Variants in CELSR3 observed in about 807,000 individuals in gnomAD.
The protein encoded by CELSR3 is EGF-like protein 1.
In CELSR3, 73 loss-of-function variants were observed where a neutral mutation model predicts 270.0. The observed-to-expected ratio is 0.27, with a 90% CI of 0.22 to 0.33. CELSR3 has a LOEUF of 0.33. Ranked by LOEUF, CELSR3 falls within the 10% of genes least tolerant of loss-of-function variation. CELSR3 has a pLI of 1.00. For missense variants in CELSR3, 3,614 were observed against 4,533.8 expected (o/e 0.80, Z 5.83); for synonymous variants, 1,780 against 1,905.4 (o/e 0.93, Z 1.71).
rs1351012340 is a variant in CELSR3, at chr3:48,657,590, C to A, written c.3749-242G>T. 6.6e-6 allele frequency among the ~76,000 whole-genome samples: 1 copy of A among 152,190 alleles called. No individual in the cohort carries two copies. The highest frequency in any genetic ancestry group is 1.5e-5 in the Non-Finnish European group (1 of 68,034). On this transcript the variant is annotated intron_variant, in intron 1 of 34. Transcript: ENST00000164024. This position sits in a 1 kb window ranked among gnomAD's most constrained non-coding sequence, Gnocchi z 5.4. ...ACACGGAGGGGTCTGGGCCAAGGAT[C>A]AAGCAACCCCACACAGTGCCCATGG...
chr3:48,642,567 G>T lies in CELSR3; in HGVS notation c.8556-100C>A. On this transcript the variant is annotated intron_variant, in intron 30 of 34. Coordinates refer to ENST00000164024, the MANE Select transcript of CELSR3 (RefSeq NM_001407.3). This position sits in a 1 kb window ranked among gnomAD's most constrained non-coding sequence, Gnocchi z 6.1. ...TGCACAGCCAGCTGCGGGTGGAATG[G>T]CATCCCTGGGTGTGTGTGGTGGGAA... is the stretch of plus-strand genomic sequence containing the variant. 2.8e-6 allele frequency: 4 copies of T among 1,435,608 alleles called. No individual in the cohort carries two copies. Among genetic ancestry groups the T allele is most frequent in the Non-Finnish European group, 3.8e-6 (4 of 1,056,626 alleles). 88.9% of individuals were successfully genotyped at this position (1,435,608 alleles called of 1,614,324 possible).
In CELSR3 at chr3:48,648,601, G is replaced by A. The variant is rs908033690; in HGVS notation, c.6777+118C>T. 24 of 1,397,324 alleles carry A rather than the reference G, an allele frequency of 1.7e-5. No individual in the cohort carries two copies. In the African/African-American group the frequency reaches 3.3e-4, roughly 19 times the overall value. The allele number at this position is 1,397,324 out of a possible 1,614,324, so 86.6% of individuals were successfully genotyped here. On this transcript the variant is annotated intron_variant, in intron 18 of 34. Coordinates refer to ENST00000164024, the MANE Select transcript of CELSR3 (RefSeq NM_001407.3). ...CGGGGCTGGAGAGGACAAGGACAGA[G>A]GGAGAGCCCAGGACCTTCACTTCCC...
chr3:48,652,874 A>G lies in CELSR3; in HGVS notation c.5634+128T>C. 1 of 827,052 alleles carries G rather than the reference A, an allele frequency of 1.2e-6. No homozygotes were observed. The highest frequency in any genetic ancestry group is 2.0e-6 in the Non-Finnish European group (1 of 504,976). 51.2% of individuals were successfully genotyped at this position (827,052 alleles called of 1,614,324 possible). A position where few individuals can be genotyped will look rare whatever the true frequency, so the allele number is the denominator to read the frequency against. On this transcript the variant is annotated intron_variant, in intron 10 of 34. Coordinates refer to ENST00000164024, the MANE Select transcript of CELSR3 (RefSeq NM_001407.3). The surrounding 1 kb of genome is among the most constrained non-coding windows in gnomAD (Gnocchi z 4.3). ...TCAGTGCAAGGATATATGGTGGGGA[A>G]CTAGGGGTAGAACATCAGACTCAGT...
At position 48,642,642 on chromosome 3, in the gene CELSR3, G is replaced by A; in HGVS notation, c.8555+94C>T. The A allele has an allele frequency of 6.6e-7, 1 of 1,522,442 alleles. No homozygotes were observed. The highest frequency in any genetic ancestry group is 8.8e-7 in the Non-Finnish European group (1 of 1,135,222). 94.3% of individuals were successfully genotyped at this position (1,522,442 alleles called of 1,614,324 possible). On this transcript the variant is annotated intron_variant, in intron 30 of 34. Transcript: ENST00000164024. The surrounding 1 kb of genome is among the most constrained non-coding windows in gnomAD (Gnocchi z 6.1). Reference sequence around the variant, plus strand: ...GGGCCCCAGATGGCCAAGATGGGTGGAGCCACCCGCCCTAGGACCTGGTCA... The same window carrying A: ...GGGCCCCAGATGGCCAAGATGGGTGAAGCCACCCGCCCTAGGACCTGGTCA...
Position 48,655,490 on chromosome 3 carries a change from G to T in CELSR3, c.4742-96C>A. 2.4e-6 allele frequency: 3 copies of T among 1,239,878 alleles called. No individual in the cohort carries two copies. The highest frequency in any genetic ancestry group is 3.5e-6 in the Non-Finnish European group (3 of 852,102). 76.8% of individuals were successfully genotyped at this position (1,239,878 alleles called of 1,614,324 possible). ...AACCATTCCCAGGGCCACCCTGGAT[G>T]CATCAGATCAGTCCCCCCACTGGTG... On this transcript the variant is annotated intron_variant, in intron 4 of 34. Coordinates refer to ENST00000164024, the MANE Select transcript of CELSR3 (RefSeq NM_001407.3). This position sits in a 1 kb window ranked among gnomAD's most constrained non-coding sequence, Gnocchi z 5.8.
At position 48,659,760 on chromosome 3, in the gene CELSR3, G is replaced by A; in HGVS notation, c.2875C>T (p.Pro959Ser). The change falls in exon 1 of 35, where the codon CCA (proline) becomes TCA (serine). Residue 959 changes from proline to serine, a missense_variant. By Grantham distance (74) the Pro-to-Ser change is moderately conservative (BLOSUM62 -1). Around this residue, in one of 7 missense-constraint regions of CELSR3, gnomAD observed 1,331 missense variants for 1,933.7 expected, o/e 0.69. Transcript: ENST00000164024. This position sits in a 1 kb window ranked among gnomAD's most constrained non-coding sequence, Gnocchi z 8.1. ...GTATAGTGGGAGGCCACAAATTGTGGAGCATTGTCATTCACGTCATTGACC... is the reference window on the plus strand; with the variant it reads ...GTATAGTGGGAGGCCACAAATTGTGAAGCATTGTCATTCACGTCATTGACC... The part of the protein sequence containing the change: ...VMVNDVNDNA[P>S]QFVASHYTGL... 1 of 1,614,236 alleles carries A rather than the reference G, an allele frequency of 6.2e-7. No homozygotes were observed. Among genetic ancestry groups the A allele is most frequent in the Non-Finnish European group, 8.5e-7 (1 of 1,180,042 alleles).
Position 48,637,030 on chromosome 3 carries a change from A to C in CELSR3, c.*1175T>G, listed in dbSNP as rs1218380003. 1.3e-5 allele frequency: 2 copies of C among 152,534 alleles called. No homozygotes were observed. Among genetic ancestry groups the C allele is most frequent in the African/African-American group, 4.8e-5 (2 of 41,458 alleles). The allele number at this position is 152,534 out of a possible 1,614,324, so 9.4% of individuals were successfully genotyped here. A position where few individuals can be genotyped will look rare whatever the true frequency, so the allele number is the denominator to read the frequency against. ...AATTATCTACTGTAAACAAAGTGTAAAACTCAAAGTTTTGAGTTGTAAACA... is the reference window on the plus strand; with the variant it reads ...AATTATCTACTGTAAACAAAGTGTACAACTCAAAGTTTTGAGTTGTAAACA... On this transcript the variant is annotated 3_prime_UTR_variant, in exon 35 of 35. Transcript: ENST00000164024.
Position 48,653,772 on chromosome 3 carries a change from G to A in CELSR3, c.5295C>T (p.His1765=). The part of the protein sequence containing the change: ...KDCQLTMAHP[H]HFRGNGTLSW... ...TCAGTGTGCCGTTGCCACGGAAATG[G>A]TGGGGATGGGCCATAGCTGAGTGGA... Residue 1765 remains histidine, a synonymous_variant, in exon 9 of 35, where the codon CAC becomes CAT. Transcript: ENST00000164024. This position sits in a 1 kb window ranked among gnomAD's most constrained non-coding sequence, Gnocchi z 6.5. 1 of 1,614,190 alleles carries A rather than the reference G, an allele frequency of 6.2e-7. No individual in the cohort carries two copies. Among genetic ancestry groups the A allele is most frequent in the Non-Finnish European group, 8.5e-7 (1 of 1,180,032 alleles).
intron 17 of CELSR3, 89 bp from the exon 18 acceptor site, chr3:48,649,017 A>G: frequency 1.3e-6 from 2 of 1,552,042 alleles, no homozygotes; most frequent in Non-Finnish European, 1.8e-6. Context: ...ATTAAAGGGC[A>G]ACCAGGAAAG....
At position 48,645,853 on chromosome 3, in the gene CELSR3, A is replaced by G; in HGVS notation, c.7479T>C (p.Gly2493=). The G allele has an allele frequency of 1.2e-6, 2 of 1,604,122 alleles. No homozygotes were observed. Among genetic ancestry groups the G allele is most frequent in the South Asian group, 1.1e-5 (1 of 90,966 alleles). The change falls in exon 23 of 35, where the codon GGT becomes GGC. Residue 2493 remains glycine (G), a synonymous_variant. Coordinates refer to ENST00000164024, the MANE Select transcript of CELSR3 (RefSeq NM_001407.3). This position sits in a 1 kb window ranked among gnomAD's most constrained non-coding sequence, Gnocchi z 5.4. The part of the protein sequence containing the change: ...WDPPGLAEQH[G]VWTARDCELV... ...GCTCGCAGTCCCGTGCTGTCCACAC[A>G]CCATGCTGCTCCGCCCTGCAGCCAC...
chr3:48,642,622 C>A lies in CELSR3; in HGVS notation c.8555+114G>T. ...TTAGGGCAGAGGCAGAAGCAGGGCC[C>A]CAGATGGCCAAGATGGGTGGAGCCA... On this transcript the variant is annotated intron_variant, in intron 30 of 34. Coordinates refer to ENST00000164024, the MANE Select transcript of CELSR3 (RefSeq NM_001407.3). The surrounding 1 kb of genome is among the most constrained non-coding windows in gnomAD (Gnocchi z 6.1). 6.8e-7 allele frequency: 1 copy of A among 1,480,796 alleles called. No homozygotes were observed. Among genetic ancestry groups the A allele is most frequent in the Non-Finnish European group, 9.1e-7 (1 of 1,102,016 alleles). 91.7% of individuals were successfully genotyped at this position (1,480,796 alleles called of 1,614,324 possible).
chr3:48,648,736 C>A lies in CELSR3; in HGVS notation c.6760G>T (p.Asp2254Tyr). The A allele has an allele frequency of 6.2e-7, 1 of 1,612,046 alleles. No homozygotes were observed. Among genetic ancestry groups the A allele is most frequent in the Non-Finnish European group, 8.5e-7 (1 of 1,179,922 alleles). The change falls in exon 18 of 35, where the codon GAT (aspartate) becomes TAT (tyrosine). Residue 2254 changes from aspartate to tyrosine, a missense_variant. This residue lies in a region of CELSR3 where 1,331 missense variants were observed against 1,933.7 expected (regional missense o/e 0.69). Transcript: ENST00000164024. The stretch of plus-strand genomic sequence containing the variant: ...AGCCCCACCTCATTGAAGTGGGCAT[C>A]CTGTGTGGCTGTCAGCCCGAAGCCC... Reference protein sequence around the residue: ...QQGFGLTATQDAHFNENLLWA... With the variant: ...QQGFGLTATQYAHFNENLLWA...
Position 48,646,351 on chromosome 3 carries a change from AC to A in CELSR3, c.7296-95del. 1.5e-6 allele frequency: 2 copies of A among 1,358,088 alleles called. No individual in the cohort carries two copies. The highest frequency in any genetic ancestry group is 2.5e-5 in the East Asian group (1 of 39,958). 84.1% of individuals were successfully genotyped at this position (1,358,088 alleles called of 1,614,324 possible). On this transcript the variant is annotated intron_variant, in intron 21 of 34. Transcript: ENST00000164024. The surrounding 1 kb of genome is among the most constrained non-coding windows in gnomAD (Gnocchi z 4.8). ...GTCTTCATGCCACTCGCCAGGGCTG[AC>A]CCAGGGTCTGGGATGTCCCCAGAGT... is the stretch of plus-strand genomic sequence containing the variant.
chr3:48,648,669 G>T (rs1418726897), intron 18 of CELSR3, 50 bp downstream of exon 18: 1 of 1,577,838 alleles, frequency 6.3e-7, no homozygotes, highest in African/African-American at 1.3e-5. Context: ...AGGGGCAGGA[G>T]GCTGGGAGCT....
At position 48,661,570 on chromosome 3, in the gene CELSR3, G is replaced by T; in HGVS notation, c.1065C>A (p.Gly355=). The T allele has an allele frequency of 1.2e-6, 2 of 1,608,506 alleles. No homozygotes were observed. The highest frequency in any genetic ancestry group is 1.7e-6 in the Non-Finnish European group (2 of 1,178,862). The change falls in exon 1 of 35, where the codon GGC becomes GGA. Residue 355 remains glycine, a synonymous_variant. Transcript: ENST00000164024. ...GCGAGTAGACTAGGCGCCCGGCCTCGCCGGCGTCCGGGTCCTGAGCAACCA... is the reference window on the plus strand; with the variant it reads ...GCGAGTAGACTAGGCGCCCGGCCTCTCCGGCGTCCGGGTCCTGAGCAACCA... ...LRVVAQDPDA[G]EAGRLVYSLA...
rs1185488710 is a variant in CELSR3 at position 48,645,995 on chromosome 3, A to G, written c.7463+95T>C. ...CATTCCTCATGGTCCGGGTTGCACAACAGCACTAGTGGGGGCCCCAGGGGA... is the reference window on the plus strand; with the variant it reads ...CATTCCTCATGGTCCGGGTTGCACAGCAGCACTAGTGGGGGCCCCAGGGGA... On this transcript the variant is annotated intron_variant, in intron 22 of 34. Coordinates refer to ENST00000164024, the MANE Select transcript of CELSR3 (RefSeq NM_001407.3). The surrounding 1 kb of genome is among the most constrained non-coding windows in gnomAD (Gnocchi z 5.4). The G allele has an allele frequency of 6.3e-7, 1 of 1,580,192 alleles. No individual in the cohort carries two copies. Among genetic ancestry groups the G allele is most frequent in the Non-Finnish European group, 8.6e-7 (1 of 1,158,684 alleles).
chr3:48,640,692 G>GC lies in CELSR3; in HGVS notation c.9026-134dup. The GC allele has an allele frequency of 1.0e-6, 1 of 962,298 alleles. No individual in the cohort carries two copies. The highest frequency in any genetic ancestry group is 1.5e-6 in the Non-Finnish European group (1 of 669,568). The allele number at this position is 962,298 out of a possible 1,614,324, so 59.6% of individuals were successfully genotyped here. A position where few individuals can be genotyped will look rare whatever the true frequency, so the allele number is the denominator to read the frequency against. On this transcript the variant is annotated intron_variant, in intron 33 of 34. Coordinates refer to ENST00000164024, the MANE Select transcript of CELSR3 (RefSeq NM_001407.3). This position sits in a 1 kb window ranked among gnomAD's most constrained non-coding sequence, Gnocchi z 7.5. Reference sequence around the variant, plus strand: ...GATGGGAGCAGGAACCCCTTGGGGAGCAGCAGAGGCAACCCTGGTGGTCCC... The same window carrying GC: ...GATGGGAGCAGGAACCCCTTGGGGAGCCAGCAGAGGCAACCCTGGTGGTCCC...
chr3:48,651,013 G>A lies in CELSR3; in HGVS notation c.6249C>T (p.Gly2083=). 1 of 1,605,234 alleles carries A rather than the reference G, an allele frequency of 6.2e-7. No individual in the cohort carries two copies. Among genetic ancestry groups the A allele is most frequent in the East Asian group, 2.2e-5 (1 of 44,816 alleles). ...GGGGTGCACATGAGCGCGAGGTGGAGCCCACAGGGTAGCAGTCACATGGGA... is the reference window on the plus strand; with the variant it reads ...GGGGTGCACATGAGCGCGAGGTGGAACCCACAGGGTAGCAGTCACATGGGA... ...SCLPCDCYPV[G]STSRSCAPHS... Residue 2083 remains glycine (G), a synonymous_variant, in exon 15 of 35, where the codon GGC becomes GGT. Coordinates refer to ENST00000164024, the MANE Select transcript of CELSR3 (RefSeq NM_001407.3). This position sits in a 1 kb window ranked among gnomAD's most constrained non-coding sequence, Gnocchi z 7.4.
At position 48,652,871 on chromosome 3, in the gene CELSR3, G is replaced by A; in HGVS notation, c.5634+131C>T. 1.2e-6 allele frequency: 1 copy of A among 819,418 alleles called. No individual in the cohort carries two copies. Among genetic ancestry groups the A allele is most frequent in the Non-Finnish European group, 2.0e-6 (1 of 499,992 alleles). The allele number at this position is 819,418 out of a possible 1,614,324, so 50.8% of individuals were successfully genotyped here. ...GGCTCAGTGCAAGGATATATGGTGGGGAACTAGGGGTAGAACATCAGACTC... is the reference window on the plus strand; with the variant it reads ...GGCTCAGTGCAAGGATATATGGTGGAGAACTAGGGGTAGAACATCAGACTC... On this transcript the variant is annotated intron_variant, in intron 10 of 34. Coordinates refer to ENST00000164024, the MANE Select transcript of CELSR3 (RefSeq NM_001407.3). This position sits in a 1 kb window ranked among gnomAD's most constrained non-coding sequence, Gnocchi z 4.3.
Sources: allele counts gnomAD v4.1 joint callset (sites outside exome capture counted in the v4.1 genomes callset), GRCh38; gene constraint gnomAD v4.1.1; regional missense constraint gnomAD v4.1.1; non-coding constraint Gnocchi (gnomAD v3.1); transcripts MANE v1.5; gene names NCBI Gene and HGNC (gene_info 2026-07-23, HGNC 2026-07-21).